ABCA1: variants seen among roughly 807,000 people sequenced by gnomAD.
The protein encoded by ABCA1 is ATP binding cassette subfamily A member 1.
Under a neutral mutation model 262.5 loss-of-function variants are expected in ABCA1, and 133 were observed. That is an observed-to-expected ratio of 0.51 (90% confidence interval 0.44 to 0.59). The LOEUF is 0.59. Ranked by LOEUF, ABCA1 falls within the 20% of genes least tolerant of loss-of-function variation. The probability of loss-of-function intolerance (pLI) is 0.00; values close to 1 mark genes in which losing one functional copy is unlikely to be tolerated. For missense variants in ABCA1, 2,452 were observed against 2,777.5 expected (o/e 0.88, Z 2.63); for synonymous variants, 1,022 against 1,043.5 (o/e 0.98, Z 0.40).
chr9:104,832,688 C>A lies in ABCA1; in HGVS notation c.1395G>T (p.Ala465=). 1 of 1,614,178 alleles carries A rather than the reference C, an allele frequency of 6.2e-7. No individual in the cohort carries two copies. Among genetic ancestry groups the A allele is most frequent in the Non-Finnish European group, 8.5e-7 (1 of 1,180,038 alleles). ...CATCCTCTGGGTGCTTGGCCAAAAA[C>A]GCCACGATGTCTTGGGCTGTCCAAT... ...GLDWTAQDIV[A]FLAKHPEDVQ... is the part of the protein sequence containing the mutation. The change falls in exon 12 of 50, where the codon GCG becomes GCT. Residue 465 remains alanine, a synonymous_variant. Coordinates refer to ENST00000374736, the MANE Select transcript of ABCA1 (RefSeq NM_005502.4).
At chr9:104,804,757 T>C (rs1447083830) in intron 31 of ABCA1, 37 bp from the exon 32 acceptor site, 15 of 1,539,658 alleles carry the variant, frequency 9.7e-6, no homozygotes, top group Admixed American at 1.7e-5. Flanking sequence ...CGGGTCTTTA[T>C]AGACAAGAAT....
chr9:104,786,387 C>T lies in ABCA1; in HGVS notation c.6312G>A (p.Met2104Ile). Residue 2104 changes from methionine (M) to isoleucine (I), a missense_variant, in exon 48 of 50, where the codon ATG becomes ATA. Transcript: ENST00000374736. ...GRSVVLTSHSMEECEALCTRM... is the reference protein window; with the variant it reads ...GRSVVLTSHSIEECEALCTRM... ...TAGTGCAAAGAGCTTCACATTCTTC[C>T]ATACTGCGGTAAAACAGAAAGAGGT... 6.2e-7 allele frequency: 1 copy of T among 1,613,976 alleles called. No individual in the cohort carries two copies. The highest frequency in any genetic ancestry group is 8.5e-7 in the Non-Finnish European group (1 of 1,179,898).
chr9:104,796,268 C>T (rs1829890339), intron 38 of ABCA1, 41 bp downstream of exon 38: 2 of 1,613,950 alleles, frequency 1.2e-6, no homozygotes, highest in Non-Finnish European at 8.5e-7. Context: ...GCACCAAATG[C>T]CTTATCCACT....
At chr9:104,927,338 G>A (rs1196603089) in intron 1 of ABCA1, among the ~76,000 whole-genome samples, 1 of 152,116 alleles carries the variant, frequency 6.6e-6, no homozygotes, top group Admixed American at 6.5e-5. Context: ...AAGACCCAAG[G>A]CCTCTAGTGA....
chr9:104,894,122 C>T (rs1427727435), intron 2 of ABCA1, among the ~76,000 whole-genome samples: 1 of 147,720 alleles, frequency 6.8e-6, no homozygotes, highest in African/African-American at 2.5e-5. Context: ...TTGTACCCAT[C>T]ATGCTGCCAT....
At chr9:104,820,488 G>A (rs1217452530) in intron 20 of ABCA1, among the ~76,000 whole-genome samples, 1 of 152,108 alleles carries the variant, frequency 6.6e-6, no homozygotes, top group African/African-American at 2.4e-5. Flanking sequence ...CCCTGCACAT[G>A]AGCCCCATGT....
At chr9:104,845,894 T>C (rs1834827045) in intron 7 of ABCA1, among the ~76,000 whole-genome samples, 6 of 152,224 alleles carry the variant, frequency 3.9e-5, no homozygotes, top group Admixed American at 3.9e-4. Context: ...CCCAAATCTG[T>C]CTGCGTCTGC....
intron 11 of ABCA1, among the ~76,000 whole-genome samples, chr9:104,835,110 C>T (rs1037456859): frequency 6.6e-6 from 1 of 151,868 alleles, no homozygotes; most frequent in Non-Finnish European, 1.5e-5. Context: ...TAGCCGGGCA[C>T]AGTGATATGT....
chr9:104,858,576 C>T lies in ABCA1; in HGVS notation c.666G>A (p.Leu222=), dbSNP rs756643592. Residue 222 remains leucine, a synonymous_variant, in exon 7 of 50, where the codon CTG becomes CTA. Coordinates refer to ENST00000374736, the MANE Select transcript of ABCA1 (RefSeq NM_005502.4). ...SELCGLPREK[L]AAAERVLRSN... is the part of the protein sequence containing the mutation. ...AACGAAGTACTCGCTCTGCTGCAGC[C>T]AGTTTCTCCCTTGGTAGGCCACAAA... is the stretch of plus-strand genomic sequence containing the variant. 3 of 1,614,182 alleles carry T rather than the reference C, an allele frequency of 1.9e-6. No homozygotes were observed. In the South Asian group the frequency reaches 3.3e-5, roughly 18 times the overall value.
Position 104,792,035 on chromosome 9 carries a change from G to C in ABCA1, c.5758-37C>G, listed in dbSNP as rs554126310. On this transcript the variant is annotated intron_variant, in intron 42 of 49. Coordinates refer to ENST00000374736, the MANE Select transcript of ABCA1 (RefSeq NM_005502.4). ...AAAATGTAAACATTCATAAGCCTCA[G>C]TGACTCACAGCTCTCCCAAGCAACT... 35 of 1,590,252 alleles carry C rather than the reference G, an allele frequency of 2.2e-5. 1 individual carries two copies. In the South Asian group the frequency reaches 3.8e-4, roughly 17 times the overall value.
chr9:104,897,776 G>A (rs1389454113), intron 2 of ABCA1, among the ~76,000 whole-genome samples: 1 of 152,158 alleles, frequency 6.6e-6, no homozygotes, highest in African/African-American at 2.4e-5. Flanking sequence ...GCTAATTTTT[G>A]TATTTTTAGT....
chr9:104,797,425 G>A (rs888323722), intron 37 of ABCA1, among the ~76,000 whole-genome samples: 1 of 152,342 alleles, frequency 6.6e-6, no homozygotes, highest in Non-Finnish European at 1.5e-5. Flanking sequence ...TTACCACTAA[G>A]TTGCCAGTAA....
chr9:104,817,715 A>G lies in ABCA1; in HGVS notation c.3463-311T>C, dbSNP rs1443730926. Among the ~76,000 whole-genome samples the G allele has an allele frequency of 1.3e-5, 2 of 152,228 alleles. No individual in the cohort carries two copies. Among genetic ancestry groups the G allele is most frequent in the Non-Finnish European group, 2.9e-5 (2 of 68,042 alleles). ...TCAGGCAAGGCCTTTACCTGGCTAC[A>G]TGTCTAGTTCAATGCTTCTCATGCT... On this transcript the variant is annotated intron_variant, in intron 23 of 49. Coordinates refer to ENST00000374736, the MANE Select transcript of ABCA1 (RefSeq NM_005502.4). The surrounding 1 kb of genome is among the most constrained non-coding windows in gnomAD (Gnocchi z 4.7).
At chr9:104,802,290 AG>A (rs1830409313) in intron 33 of ABCA1, 131 bp from the exon 34 acceptor site, 1 of 95,216 alleles carries the variant, frequency 1.1e-5, no homozygotes, top group Non-Finnish European at 3.4e-5. Context: ...ATTTTGCCTC[AG>A]AGAAGTTACA....
At position 104,828,956 on chromosome 9, in the gene ABCA1, G is replaced by A; in HGVS notation, c.2075C>T (p.Pro692Leu). Residue 692 changes from proline (P) to leucine (L), a missense_variant, in exon 15 of 50, where the codon CCT becomes CTT. Physicochemically the swap from Pro to Leu is moderately conservative, Grantham distance 98. Around this residue, in one of 4 missense-constraint regions of ABCA1, gnomAD observed 1,032 missense variants for 1,089.7 expected, o/e 0.95. Transcript: ENST00000374736. ...TAGCAGGCCAGCGCTCACAAGAAGA[G>A]GAATGAGGCTACTAATGAACCAGCT... ...WFSWFISSLI[P>L]LLVSAGLLVV... 2 of 1,614,132 alleles carry A rather than the reference G, an allele frequency of 1.2e-6. No individual in the cohort carries two copies. Among genetic ancestry groups the A allele is most frequent in the Non-Finnish European group, 8.5e-7 (1 of 1,180,042 alleles).
chr9:104,886,725 G>C (rs748019807), intron 3 of ABCA1, among the ~76,000 whole-genome samples: 1 of 152,180 alleles, frequency 6.6e-6, no homozygotes, highest in Non-Finnish European at 1.5e-5. Context: ...CATCCTATTT[G>C]CAAACAAAAG....
chr9:104,916,162 C>T lies in ABCA1; in HGVS notation c.-93+11773G>A, dbSNP rs1841825943. Among the ~76,000 whole-genome samples the T allele has an allele frequency of 2.0e-5, 3 of 151,972 alleles. No individual in the cohort carries two copies. The South Asian group carries it at 6.2e-4, about 32-fold the overall frequency. ...CCAAAGGCTTTCTTTCTCGTGAACT[C>T]AAGGTTTTCACTATAATTAACACAA... On this transcript the variant is annotated intron_variant, in intron 1 of 49. Transcript: ENST00000374736.
chr9:104,896,172 T>A (rs1840177931), intron 2 of ABCA1, among the ~76,000 whole-genome samples: 1 of 152,148 alleles, frequency 6.6e-6, no homozygotes, highest in African/African-American at 2.4e-5. Flanking sequence ...GGTAAGTTAA[T>A]CAGAACCAAG....
In ABCA1 at chr9:104,924,046, T is replaced by G. The variant is rs1274564350; in HGVS notation, c.-93+3889A>C. ...AACAGAGCAAGACCCTATCTCAAAA[T>G]AAATACAATGAATAAACACGTGAAA... On this transcript the variant is annotated intron_variant, in intron 1 of 49. Coordinates refer to ENST00000374736, the MANE Select transcript of ABCA1 (RefSeq NM_005502.4). 2.0e-5 allele frequency among the ~76,000 whole-genome samples: 3 copies of G among 152,064 alleles called. No homozygotes were observed. The East Asian group carries it at 5.8e-4, about 29-fold the overall frequency.
Sources: gnomAD v4.1 joint callset for allele counts (sites outside exome capture counted in the v4.1 genomes callset) on GRCh38, gnomAD v4.1.1 for gene constraint, gnomAD v4.1.1 regional missense constraint, Gnocchi (gnomAD v3.1) non-coding constraint, MANE v1.5 for transcripts, NCBI Gene and HGNC (gene_info 2026-07-23, HGNC 2026-07-21) for gene names.